Variants in ACACB observed in about 807,000 individuals in gnomAD.
ACACB encodes the protein acetyl-CoA carboxylase beta, also known as acetyl-CoA carboxylase 2.
ACACB carries 209 observed loss-of-function variants against 278.8 expected under a neutral mutation model. The observed-to-expected ratio is 0.75, with a 90% confidence interval of 0.67 to 0.84. ACACB has a LOEUF of 0.84. Among genes scored for constraint, ACACB ranks in the 40% least tolerant of loss-of-function variants. The pLI, the probability that ACACB is intolerant of heterozygous loss-of-function variation, is 0.00. For synonymous variants in ACACB, 1,174 were observed against 1,285.6 expected (o/e 0.91, Z 1.86); for missense variants, 2,850 against 3,269.0 (o/e 0.87, Z 3.13).
chr12:109,264,935 G>A (rs1166720521), intron 50 of ACACB, among the ~76,000 whole-genome samples, 175 bp from the exon 51 acceptor site: 1 of 152,156 alleles, frequency 6.6e-6, no homozygotes, highest in Non-Finnish European at 1.5e-5. Flanking sequence ...GTGACGTCCT[G>A]CCTCTGAGCA....
In ACACB at chr12:109,251,954, T is replaced by G. The variant is rs1270528821; in HGVS notation, c.5791-92T>G. 6 of 905,430 alleles carry G rather than the reference T, an allele frequency of 6.6e-6. No homozygotes were observed. The African/African-American group carries it at 6.8e-5, about 10-fold the overall frequency. 56.1% of individuals were successfully genotyped at this position (905,430 alleles called of 1,614,324 possible). A position where few individuals can be genotyped will look rare whatever the true frequency, so the allele number is the denominator to read the frequency against. Reference sequence around the variant, plus strand: ...GCCATTGGTCAAAACATAACTTCCATTTGGTCCCAGCAGGTTCCTGGACTC... The same window carrying G: ...GCCATTGGTCAAAACATAACTTCCAGTTGGTCCCAGCAGGTTCCTGGACTC... On this transcript the variant is annotated intron_variant, in intron 41 of 52. Coordinates refer to ENST00000338432, the MANE Select transcript of ACACB (RefSeq NM_001093.4).
chr12:109,216,621 C>T lies in ACACB; in HGVS notation c.3354C>T (p.Tyr1118=), dbSNP rs775580736. The T allele has an allele frequency of 3.7e-6, 6 of 1,614,070 alleles. No homozygotes were observed. The South Asian group carries it at 5.5e-5, about 15-fold the overall frequency. ...AGCAGCCTTCCCTTCTCCCCAGATA[C>T]CGCAGCGGGATCCGCGGCTATATGA... The part of the protein sequence containing the change: ...TQSIVQLVQR[Y]RSGIRGYMKT... Residue 1118 remains tyrosine, a synonymous_variant, in exon 23 of 53, where the codon TAC becomes TAT. Transcript: ENST00000338432.
intron 34 of ACACB, among the ~76,000 whole-genome samples, chr12:109,238,374 A>G (rs1208029172): frequency 1.3e-4 from 18 of 138,028 alleles, no homozygotes; most frequent in Admixed American, 1.2e-3. Flanking sequence ...TCCCCTATTG[A>G]TGGAAACATA....
chr12:109,260,538 C>T lies in ACACB; in HGVS notation c.6555C>T (p.Tyr2185=). 6.2e-7 allele frequency: 1 copy of T among 1,614,220 alleles called. No homozygotes were observed. The highest frequency in any genetic ancestry group is 1.6e-4 in the Middle Eastern group (1 of 6,062). The change falls in exon 48 of 53, where the codon TAC becomes TAT. Residue 2185 remains tyrosine, a synonymous_variant. Coordinates refer to ENST00000338432, the MANE Select transcript of ACACB (RefSeq NM_001093.4). ...GAYIVDGLRQ[Y]KQPILIYIPP... ...ACATCGTGGACGGCCTTAGACAATA[C>T]AAACAGCCCATCCTGATCTATATCC...
rs1309267019 is a variant in ACACB, at chr12:109,235,321, C to A, written c.4356C>A (p.Ile1452=). The A allele has an allele frequency of 6.2e-7, 1 of 1,614,038 alleles. No homozygotes were observed. Among genetic ancestry groups the A allele is most frequent in the African/African-American group, 1.3e-5 (1 of 75,034 alleles). Residue 1452 remains isoleucine, a synonymous_variant, in exon 32 of 53, where the codon ATC becomes ATA. Transcript: ENST00000338432. ...LRTFVQSKKN[I]LVDYGLRRIT... is the part of the protein sequence containing the mutation. ...TTTGGTTTTTAATGCAGAAAAATAT[C>A]CTTGTGGATTATGGACTCCGACGAA...
At chr12:109,265,314 CA>C in intron 51 of ACACB, 34 bp downstream of exon 51, 1 of 1,611,320 alleles carries the variant, frequency 6.2e-7, no homozygotes, top group Non-Finnish European at 8.5e-7. Flanking sequence ...CCGGTGAGCA[CA>C]GGGGGTGCTG....
At chr12:109,119,541 G>C (rs1326228504) in intron 1 of ACACB, among the ~76,000 whole-genome samples, 2 of 150,260 alleles carry the variant, frequency 1.3e-5, no homozygotes, top group Non-Finnish European at 2.9e-5. Context: ...CGTGAACCGA[G>C]ATGGTGCCAC....
intron 14 of ACACB, 40 bp from the exon 15 acceptor site, chr12:109,191,807 C>T: frequency 1.2e-6 from 2 of 1,614,136 alleles, no homozygotes; most frequent in Non-Finnish European, 1.7e-6. Context: ...ATGGCCGAGA[C>T]CTCGGCTTCC....
intron 1 of ACACB, among the ~76,000 whole-genome samples, chr12:109,117,371 A>G (rs2042431352): frequency 6.6e-6 from 1 of 151,916 alleles, no homozygotes; most frequent in Middle Eastern, 3.4e-3. Context: ...AAAAAAAAAA[A>G]AAAGAAAAGA....
chr12:109,190,552 GTGGC>G (rs1317582745), intron 13 of ACACB, among the ~76,000 whole-genome samples: 2 of 152,226 alleles, frequency 1.3e-5, no homozygotes, highest in Admixed American at 6.5e-5. Flanking sequence ...AGGTGAGAGG[GTGGC>G]ACCAGCTCTG....
At chr12:109,121,512 G>A (rs1235099622) in intron 1 of ACACB, among the ~76,000 whole-genome samples, 7 of 152,182 alleles carry the variant, frequency 4.6e-5, no homozygotes, top group Non-Finnish European at 1.0e-4. Flanking sequence ...TGAGTGCCAG[G>A]AGGAAGAGAT....
intron 13 of ACACB, among the ~76,000 whole-genome samples, chr12:109,188,404 C>CCCTCCCTTCCTT (rs1470355293): frequency 7.3e-6 from 1 of 137,324 alleles, no homozygotes; most frequent in African/African-American, 2.8e-5. Flanking sequence ...CCATCCCTTC[C>CCCTCCCTTCCTT]CCTCCCTTCC....
rs1475886067 is a variant in ACACB, at chr12:109,139,920, A to G, written c.515A>G (p.Asp172Gly). Reference protein sequence around the residue: ...MTNFILGSFDDYSSDEDSVAG... With the variant: ...MTNFILGSFDGYSSDEDSVAG... ...AACTTCATCCTGGGCTCTTTTGATG[A>G]CTACTCCTCCGACGAGGACTCTGTT... Residue 172 changes from aspartate (D) to glycine (G), a missense_variant, in exon 2 of 53, where the codon GAC (aspartate) becomes GGC (glycine). Physicochemically the swap from Asp to Gly is moderately conservative, Grantham distance 94. Coordinates refer to ENST00000338432, the MANE Select transcript of ACACB (RefSeq NM_001093.4). The G allele has an allele frequency of 6.2e-7, 1 of 1,614,160 alleles. No homozygotes were observed. The highest frequency in any genetic ancestry group is 8.5e-7 in the Non-Finnish European group (1 of 1,180,026).
At chr12:109,171,353 C>CTT (rs147391558) in intron 4 of ACACB, among the ~76,000 whole-genome samples, 27 of 144,832 alleles carry the variant, frequency 1.9e-4, no homozygotes, top group African/African-American at 6.0e-4. Context: ...CATTTTCTTT[C>CTT]TTTTTTTTTT....
chr12:109,198,903 C>T (rs2136320442), intron 17 of ACACB, among the ~76,000 whole-genome samples: 1 of 152,200 alleles, frequency 6.6e-6, no homozygotes, highest in East Asian at 1.9e-4. Flanking sequence ...GCATCACAGC[C>T]TTGGCCAGGC....
At chr12:109,233,631 G>T in intron 29 of ACACB, 117 bp from the exon 30 acceptor site, 1 of 817,384 alleles carries the variant, frequency 1.2e-6, no homozygotes, top group Non-Finnish European at 2.0e-6. Flanking sequence ...TAAGATCAAA[G>T]GGTGTTGGCT....
At chr12:109,232,277 A>G (rs1453701535) in intron 28 of ACACB, among the ~76,000 whole-genome samples, 1 of 152,098 alleles carries the variant, frequency 6.6e-6, no homozygotes, top group African/African-American at 2.4e-5. Flanking sequence ...AGAGGACTGG[A>G]GTGTCCGTCA....
chr12:109,112,627 G>A (rs1003622560), upstream of ACACB, among the ~76,000 whole-genome samples: 11 of 149,660 alleles, frequency 7.3e-5, no homozygotes, highest in East Asian at 2.0e-4. Flanking sequence ...ACTTGAACCC[G>A]GGCGATCGCA....
chr12:109,142,673 T>C (rs963135294), intron 2 of ACACB, among the ~76,000 whole-genome samples: 8 of 152,080 alleles, frequency 5.3e-5, no homozygotes, highest in African/African-American at 1.9e-4. Context: ...TTCAAGCAAT[T>C]CTCCTGCTTC....
Sources: allele counts gnomAD v4.1 joint callset (sites outside exome capture counted in the v4.1 genomes callset), GRCh38; gene constraint gnomAD v4.1.1; transcripts MANE v1.5; gene names NCBI Gene and HGNC (gene_info 2026-07-23, HGNC 2026-07-21).